The following SRL variants were observed in gnomAD, a reference collection of about 807,000 sequenced individuals.
SRL encodes sarcalumenin.
In SRL, 23 loss-of-function variants were observed where a neutral mutation model predicts 39.5. That is an observed-to-expected ratio of 0.58 (90% CI 0.42 to 0.82). The LOEUF (loss-of-function observed/expected upper bound fraction) is 0.82, where lower values mean the gene tolerates loss of function less well. Ranked by LOEUF, SRL falls within the 40% of genes least tolerant of loss-of-function variation. SRL has a pLI of 0.00. For synonymous variants in SRL, 272 were observed against 237.4 expected, an observed-to-expected ratio of 1.15 and a Z score of -1.34; for missense variants, 592 against 607.8, an observed-to-expected ratio of 0.97 and a Z score of 0.27.
At chr16:4,206,341 C>T (rs2141035817) in intron 1 of SRL, among the ~76,000 whole-genome samples, 1 of 152,326 alleles carries the variant, frequency 6.6e-6, no homozygotes, top group Admixed American at 6.5e-5. Flanking sequence ...CTAAGGGAAT[C>T]ACCAGGGAAG....
intron 5 of SRL, among the ~76,000 whole-genome samples, chr16:4,195,054 C>A (rs2052117626): frequency 6.6e-6 from 1 of 151,990 alleles, no homozygotes; most frequent in Non-Finnish European, 1.5e-5. Flanking sequence ...GCCACCATGC[C>A]AACCTAATTT....
chr16:4,195,948 A>G (rs1250432635), intron 4 of SRL, among the ~76,000 whole-genome samples, 162 bp from the exon 5 acceptor site: 1 of 152,172 alleles, frequency 6.6e-6, no homozygotes. Flanking sequence ...TAAAACATAC[A>G]TAACATAAAA....
rs867264986 is a variant in SRL, at chr16:4,211,669, G to A, written c.62-7035C>T. Among the ~76,000 whole-genome samples the A allele has an allele frequency of 1.1e-3, 153 of 144,470 alleles. 9 individuals are homozygous for A. The highest frequency in any genetic ancestry group is 3.9e-3 in the African/African-American group (135 of 34,930). The allele number at this position is 144,470 out of a possible 152,430, so 94.8% of individuals were successfully genotyped here. On this transcript the variant is annotated intron_variant, in intron 1 of 5. Transcript: ENST00000399609. Reference sequence around the variant, plus strand: ...TGATGATGATGGTGATGACCGTGCCGATGATGAGGATCGTGATGATGATGA... The same window carrying A: ...TGATGATGATGGTGATGACCGTGCCAATGATGAGGATCGTGATGATGATGA...
chr16:4,195,532 C>A, intron 5 of SRL, 21 bp downstream of exon 5: 2 of 1,611,936 alleles, frequency 1.2e-6, no homozygotes, highest in South Asian at 2.2e-5. Flanking sequence ...TTACACTGTT[C>A]AGAAATGAGG....
chr16:4,223,014 G>A (rs1367111694), intron 1 of SRL, among the ~76,000 whole-genome samples: 4 of 152,040 alleles, frequency 2.6e-5, no homozygotes, highest in African/African-American at 9.7e-5. Context: ...AAGATCACTT[G>A]AGGTCAAGAG....
intron 1 of SRL, among the ~76,000 whole-genome samples, chr16:4,206,342 A>G (rs1194258034): frequency 1.3e-5 from 2 of 152,142 alleles, no homozygotes; most frequent in African/African-American, 2.4e-5. Flanking sequence ...TAAGGGAATC[A>G]CCAGGGAAGT....
At chr16:4,235,904 T>C (rs1424963935) in intron 1 of SRL, among the ~76,000 whole-genome samples, 1 of 151,804 alleles carries the variant, frequency 6.6e-6, no homozygotes, top group Non-Finnish European at 1.5e-5. Context: ...CTGACCAACA[T>C]GGAGAAACTC....
intron 1 of SRL, among the ~76,000 whole-genome samples, chr16:4,210,486 CTTTTTT>C (rs555999418): frequency 1.9e-5 from 2 of 104,014 alleles, no homozygotes; most frequent in Admixed American, 1.1e-4. Context: ...TTACTCATAT[CTTTTTT>C]TTTTTTTTTT....
Position 4,204,566 on chromosome 16 carries a change from G to C in SRL, c.130C>G (p.Leu44Val), listed in dbSNP as rs1255071226. The C allele has an allele frequency of 6.2e-7, 1 of 1,614,044 alleles. No individual in the cohort carries two copies. The highest frequency in any genetic ancestry group is 1.7e-5 in the Admixed American group (1 of 60,010). Residue 44 changes from leucine to valine, a missense_variant, in exon 2 of 6, where the codon CTG becomes GTG. Physicochemically the swap from Leu to Val is conservative, Grantham distance 32 (BLOSUM62 1). Coordinates refer to ENST00000399609, the MANE Select transcript of SRL (RefSeq NM_001098814.2). ...DRSHIEKTLM[L>V]NEDKPSDDYS... Reference sequence around the variant, plus strand: ...TCATCGGATGGCTTGTCCTCATTCAGCATGAGGGTCTTCTCGATGTGGGAG... The same window carrying C: ...TCATCGGATGGCTTGTCCTCATTCACCATGAGGGTCTTCTCGATGTGGGAG...
rs71139621 is a variant in SRL at position 4,197,421 on chromosome 16, C to CTTTTTT, written c.376+372_376+377dup. On this transcript the variant is annotated intron_variant, in intron 4 of 5. Coordinates refer to ENST00000399609, the MANE Select transcript of SRL (RefSeq NM_001098814.2). Reference sequence around the variant, plus strand: ...GTGCATGTGGCATAACTTTTCTTTCCTTTTTTTTTTTTTTTTTTGAGACGG... The same window carrying CTTTTTT: ...GTGCATGTGGCATAACTTTTCTTTCCTTTTTTTTTTTTTTTTTTTTTTTTGAGACGG... Among the ~76,000 whole-genome samples the CTTTTTT allele has an allele frequency of 3.4e-3, 370 of 107,546 alleles. 15 individuals carry two copies. Among genetic ancestry groups the CTTTTTT allele is most frequent in the African/African-American group, 8.0e-3 (212 of 26,584 alleles). 70.6% of individuals were successfully genotyped at this position (107,546 alleles called of 152,430 possible).
intron 1 of SRL, among the ~76,000 whole-genome samples, chr16:4,238,818 A>T (rs1236833669): frequency 6.7e-6 from 1 of 149,790 alleles, no homozygotes; most frequent in Non-Finnish European, 1.5e-5. Context: ...ACAGGGTCTC[A>T]CTATGTTGTC....
chr16:4,238,617 G>C (rs2052738355), intron 1 of SRL, among the ~76,000 whole-genome samples: 1 of 150,718 alleles, frequency 6.6e-6, no homozygotes, highest in African/African-American at 2.5e-5. Flanking sequence ...ACCATGCCCG[G>C]TGCCACTTTT....
In SRL at chr16:4,192,634, A is replaced by T; in HGVS notation, c.941T>A (p.Leu314His). Residue 314 changes from leucine (L) to histidine (H), a missense_variant, in exon 6 of 6, where the codon CTC becomes CAC. Leu to His is a moderately conservative substitution (Grantham distance 99). Coordinates refer to ENST00000399609, the MANE Select transcript of SRL (RefSeq NM_001098814.2). This position sits in a 1 kb window ranked among gnomAD's most constrained non-coding sequence, Gnocchi z 4.0. ...GATCACCTGATTCAGGTCTTCTAGG[A>T]GGGAGATCTCTTCTTGGAGGAACAG... is the stretch of plus-strand genomic sequence containing the variant. ...QELFLQEEIS[L>H]LEDLNQVIEN... 1.2e-6 allele frequency: 2 copies of T among 1,614,096 alleles called. No homozygotes were observed. Among genetic ancestry groups the T allele is most frequent in the Non-Finnish European group, 1.7e-6 (2 of 1,180,026 alleles).
At chr16:4,209,669 T>C (rs1345578988) in intron 1 of SRL, among the ~76,000 whole-genome samples, 2 of 152,228 alleles carry the variant, frequency 1.3e-5, no homozygotes, top group Non-Finnish European at 2.9e-5. Flanking sequence ...GCTAGCCTGT[T>C]GTCGAACTCA....
At chr16:4,241,680 A>T (rs1468693371) in intron 1 of SRL, among the ~76,000 whole-genome samples, 1 of 152,058 alleles carries the variant, frequency 6.6e-6, no homozygotes, top group Non-Finnish European at 1.5e-5. Context: ...TCCGTCTCAG[A>T]GGCTCCCCCG....
chr16:4,214,355 G>A (rs898791326), intron 1 of SRL, among the ~76,000 whole-genome samples: 1 of 152,300 alleles, frequency 6.6e-6, no homozygotes. Context: ...AAAGTCATGC[G>A]TAAGTAAAAT....
rs564599861 is a variant in SRL at position 4,224,659 on chromosome 16, G to A, written c.61+17348C>T. 1.9e-4 allele frequency among the ~76,000 whole-genome samples: 29 copies of A among 151,976 alleles called. No homozygotes were observed. In the East Asian group the frequency reaches 1.9e-3, roughly 10 times the overall value. On this transcript the variant is annotated intron_variant, in intron 1 of 5. Transcript: ENST00000399609. Reference sequence around the variant, plus strand: ...CCAGGAGACGGAGTTTGCAGTGAGCGGAGATTGCGCCACTGCACTCACTGC... The same window carrying A: ...CCAGGAGACGGAGTTTGCAGTGAGCAGAGATTGCGCCACTGCACTCACTGC...
At chr16:4,226,315 T>A (rs2052588257) in intron 1 of SRL, among the ~76,000 whole-genome samples, 1 of 152,048 alleles carries the variant, frequency 6.6e-6, no homozygotes, top group African/African-American at 2.4e-5. Context: ...GATGGATGAA[T>A]GAATGGAAGG....
chr16:4,203,244 G>C lies in SRL; in HGVS notation c.181C>G (p.Arg61Gly), dbSNP rs201184048. Residue 61 changes from arginine to glycine, a missense_variant, in exon 3 of 6, where the codon CGG becomes GGG. By Grantham distance (125) the Arg-to-Gly change is moderately radical. Transcript: ENST00000399609. ...DDYSAVLQRL[R>G]KIYHSSIKPL... ...TTGATGGATGAGTGGTAGATCTTCCGAAGCCGCTGCAGCACCGCTGGAGAC... is the reference window on the plus strand; with the variant it reads ...TTGATGGATGAGTGGTAGATCTTCCCAAGCCGCTGCAGCACCGCTGGAGAC... The C allele has an allele frequency of 2.5e-6, 4 of 1,613,994 alleles. No homozygotes were observed. The highest frequency in any genetic ancestry group is 3.4e-6 in the Non-Finnish European group (4 of 1,179,964).
Sources: gnomAD v4.1 joint callset for allele counts (sites outside exome capture counted in the v4.1 genomes callset) on GRCh38, gnomAD v4.1.1 for gene constraint, Gnocchi (gnomAD v3.1) non-coding constraint, MANE v1.5 for transcripts, NCBI Gene and HGNC (gene_info 2026-07-23, HGNC 2026-07-21) for gene names.